SORCS1: variants seen among roughly 807,000 people sequenced by gnomAD.
SORCS1 encodes the protein sortilin related VPS10 domain containing receptor 1.
SORCS1 carries 60 observed loss-of-function variants against 146.1 expected under a neutral mutation model. That is an observed-to-expected ratio of 0.41 (90% confidence interval 0.33 to 0.51). The LOEUF is 0.51. Among genes scored for constraint, SORCS1 ranks in the 20% least tolerant of loss-of-function variants. The pLI is 0.21. For missense variants in SORCS1, 1,352 were observed against 1,487.6 expected, an observed-to-expected ratio of 0.91 and a Z score of 1.50; for synonymous variants, 637 against 584.0, an observed-to-expected ratio of 1.09 and a Z score of -1.31.
At chr10:106,649,003 C>A in intron 18 of SORCS1, among the ~76,000 whole-genome samples, 1 of 152,120 alleles carries the variant, frequency 6.6e-6, no homozygotes, top group East Asian at 1.9e-4. Flanking sequence ...AGCTGGGGCA[C>A]TGAGTGGCCG....
chr10:106,610,271 A>G (rs1846889147), intron 22 of SORCS1, among the ~76,000 whole-genome samples: 1 of 152,038 alleles, frequency 6.6e-6, no homozygotes, highest in African/African-American at 2.4e-5. Flanking sequence ...GGAAACCACA[A>G]AAATCAAGAT....
In SORCS1 at chr10:106,579,470, G is replaced by A. The variant is rs766587005; in HGVS notation, c.3270C>T (p.Pro1090=). ...LVHAAHLTAA[P]LVDLTPTHSG... ...TGTGGGTTGGAGTGAGGTCCACCAG[G>A]GGGGCTTGTGGGGGAAACAGAGCAG... The change falls in exon 25 of 26, where the codon CCC becomes CCT. Residue 1090 remains proline, a synonymous_variant. Coordinates refer to ENST00000263054, the MANE Select transcript of SORCS1 (RefSeq NM_052918.5). The A allele has an allele frequency of 8.1e-6, 13 of 1,613,602 alleles. No homozygotes were observed. The highest frequency in any genetic ancestry group is 1.1e-5 in the Non-Finnish European group (13 of 1,179,828).
chr10:107,006,423 G>A (rs930023961), intron 1 of SORCS1, among the ~76,000 whole-genome samples: 21 of 152,310 alleles, frequency 1.4e-4, no homozygotes, highest in African/African-American at 4.3e-4. Flanking sequence ...TATAAGTAAT[G>A]AACAGGTGAA....
intron 17 of SORCS1, among the ~76,000 whole-genome samples, chr10:106,653,209 G>A (rs2208627): frequency 0.25 from 37,637 of 152,062 alleles, 5,826 homozygotes; most frequent in East Asian, 0.52. Flanking sequence ...TTATTCTACA[G>A]AATTAACCTA....
rs984391218 is a variant in SORCS1 at position 106,607,043 on chromosome 10, C to T, written c.3165+123G>A. Reference sequence around the variant, plus strand: ...AATACACCTACCATGAATGCTCTTGCATGTGCTTTTGGTGAAGCTGTAGTT... The same window carrying T: ...AATACACCTACCATGAATGCTCTTGTATGTGCTTTTGGTGAAGCTGTAGTT... On this transcript the variant is annotated intron_variant, in intron 23 of 25. Transcript: ENST00000263054. 2.9e-5 allele frequency: 38 copies of T among 1,300,252 alleles called. No homozygotes were observed. The African/African-American group carries it at 4.9e-4, about 17-fold the overall frequency. 80.5% of individuals were successfully genotyped at this position (1,300,252 alleles called of 1,614,324 possible).
At chr10:106,608,725 C>G (rs1846772334) in intron 22 of SORCS1, among the ~76,000 whole-genome samples, 1 of 152,184 alleles carries the variant, frequency 6.6e-6, no homozygotes, top group Non-Finnish European at 1.5e-5. Flanking sequence ...CTGAGTTTAG[C>G]ATGCAGGATG....
intron 1 of SORCS1, among the ~76,000 whole-genome samples, chr10:107,033,995 A>C (rs1958781384): frequency 6.6e-6 from 1 of 152,212 alleles, no homozygotes; most frequent in African/African-American, 2.4e-5. Context: ...ATACAATTAT[A>C]AGCCAGCTAA....
chr10:107,152,342 C>A (rs1258440951), intron 1 of SORCS1, among the ~76,000 whole-genome samples: 2 of 152,142 alleles, frequency 1.3e-5, no homozygotes, highest in Non-Finnish European at 2.9e-5. Flanking sequence ...GTTTGGGGTC[C>A]CCATGCAAAG....
At chr10:107,038,832 C>A (rs1423590947) in intron 1 of SORCS1, among the ~76,000 whole-genome samples, 1 of 151,982 alleles carries the variant, frequency 6.6e-6, no homozygotes, top group Non-Finnish European at 1.5e-5. Flanking sequence ...GAAAAGTTAC[C>A]AAAACCGAAC....
At chr10:106,801,273 G>T (rs1424281844) in intron 3 of SORCS1, among the ~76,000 whole-genome samples, 1 of 152,082 alleles carries the variant, frequency 6.6e-6, no homozygotes, top group Non-Finnish European at 1.5e-5. Flanking sequence ...AAGAAAATAG[G>T]AAAGGAATAA....
At chr10:106,620,690 A>G in intron 19 of SORCS1, 129 bp from the exon 20 acceptor site, 2 of 1,172,384 alleles carry the variant, frequency 1.7e-6, no homozygotes, top group Non-Finnish European at 2.3e-6. Context: ...CCCCAAAAGA[A>G]GTGTTCAGAT....
At chr10:107,097,285 T>C (rs1044030248) in intron 1 of SORCS1, among the ~76,000 whole-genome samples, 6 of 152,248 alleles carry the variant, frequency 3.9e-5, no homozygotes, top group African/African-American at 1.4e-4. Flanking sequence ...ATCAGAAATC[T>C]TTCATCTGAT....
At chr10:106,670,238 C>T (rs1329805946) in intron 16 of SORCS1, among the ~76,000 whole-genome samples, 1 of 152,208 alleles carries the variant, frequency 6.6e-6, no homozygotes, top group East Asian at 1.9e-4. Flanking sequence ...CTTACCTGAA[C>T]AATTAACATT....
At chr10:106,638,413 C>T (rs1428862981) in intron 18 of SORCS1, among the ~76,000 whole-genome samples, 1 of 151,976 alleles carries the variant, frequency 6.6e-6, no homozygotes. Context: ...AGGCACGGTA[C>T]ATTCATTGGG....
At chr10:107,163,443 C>T (rs1009368314) in intron 1 of SORCS1, among the ~76,000 whole-genome samples, 6 of 152,280 alleles carry the variant, frequency 3.9e-5, no homozygotes, top group African/African-American at 1.4e-4. Flanking sequence ...TAAAGAACAC[C>T]TTATATACTC....
chr10:107,132,885 T>C (rs1040881013), intron 1 of SORCS1, among the ~76,000 whole-genome samples: 1 of 152,218 alleles, frequency 6.6e-6, no homozygotes, highest in African/African-American at 2.4e-5. Flanking sequence ...CGAGACCTTG[T>C]ACAACTAACT....
intron 23 of SORCS1, chr10:106,600,390 CT>C: frequency 1.0e-6 from 1 of 978,930 alleles, no homozygotes; most frequent in Non-Finnish European, 1.2e-6. Flanking sequence ...TGAACACATG[CT>C]TTGTGAGAAA....
chr10:106,722,602 G>A (rs573801557), intron 6 of SORCS1, among the ~76,000 whole-genome samples: 69 of 152,268 alleles, frequency 4.5e-4, no homozygotes, highest in African/African-American at 1.6e-3. Context: ...TAGTCCTTGG[G>A]AAACTTGTTA....
chr10:106,768,469 C>T (rs1190619499), intron 4 of SORCS1, among the ~76,000 whole-genome samples: 1 of 152,164 alleles, frequency 6.6e-6, no homozygotes, highest in Admixed American at 6.5e-5. Context: ...ATCAATTTGT[C>T]TTTATCTCAA....
Sources: allele counts gnomAD v4.1 joint callset (sites outside exome capture counted in the v4.1 genomes callset), GRCh38; gene constraint gnomAD v4.1.1; transcripts MANE v1.5; gene names NCBI Gene and HGNC (gene_info 2026-07-23, HGNC 2026-07-21).